The following ERC1 variants were observed in gnomAD, a reference collection of about 807,000 sequenced individuals.
ERC1 encodes the protein RAB6 interacting protein 2.
Under a neutral mutation model 132.0 loss-of-function variants are expected in ERC1, and 56 were observed. The observed-to-expected ratio is 0.42, with a 90% confidence interval of 0.34 to 0.53. The LOEUF is 0.53. ERC1 is among the 20% of genes least tolerant of loss of function. ERC1 has a pLI of 0.03. For synonymous variants in ERC1, 478 were observed against 476.1 expected, an observed-to-expected ratio of 1.00 and a Z score of -0.05; for missense variants, 1,202 against 1,349.9, an observed-to-expected ratio of 0.89 and a Z score of 1.72.
chr12:1,273,745 G>A (rs1162372758), intron 14 of ERC1, among the ~76,000 whole-genome samples: 1 of 152,144 alleles, frequency 6.6e-6, no homozygotes, highest in Admixed American at 6.5e-5. Context: ...GTGGATGGAT[G>A]GATGGATGGT....
chr12:1,350,119 A>G (rs1477626409), intron 15 of ERC1, among the ~76,000 whole-genome samples: 8 of 152,222 alleles, frequency 5.3e-5, no homozygotes, highest in Non-Finnish European at 1.2e-4. Context: ...TCAGTGGGTA[A>G]GTGAAGTCAG....
chr12:1,020,452 T>G (rs1227798976), intron 1 of ERC1, among the ~76,000 whole-genome samples: 2 of 152,122 alleles, frequency 1.3e-5, no homozygotes, highest in African/African-American at 4.8e-5. Flanking sequence ...GTGAGACTCC[T>G]TCTCAACAAA....
intron 15 of ERC1, among the ~76,000 whole-genome samples, chr12:1,295,775 A>G (rs1014976413): frequency 6.6e-6 from 1 of 152,130 alleles, no homozygotes; most frequent in African/African-American, 2.4e-5. Context: ...AGATCAGCAT[A>G]CCAAAGGTTA....
intron 2 of ERC1, among the ~76,000 whole-genome samples, chr12:1,042,284 G>A (rs1056930870): frequency 6.6e-6 from 1 of 150,642 alleles, no homozygotes; most frequent in African/African-American, 2.4e-5. Context: ...TGATCTGCCC[G>A]CCTCAGCTTC....
In ERC1 at chr12:1,098,538, A is replaced by G. The variant is rs1944312791; in HGVS notation, c.1087-6212A>G. Among the ~76,000 whole-genome samples, 3 of 152,246 alleles carry G rather than the reference A, an allele frequency of 2.0e-5. No homozygotes were observed. The South Asian group carries it at 6.2e-4, about 32-fold the overall frequency. ...TGTGGGAAATGAATATCAGGAGGAGAAAAAGGAGAGCTTTGGTGTTTGGCT... is the reference window on the plus strand; with the variant it reads ...TGTGGGAAATGAATATCAGGAGGAGGAAAAGGAGAGCTTTGGTGTTTGGCT... On this transcript the variant is annotated intron_variant, in intron 3 of 18. Transcript: ENST00000360905.
intron 13 of ERC1, among the ~76,000 whole-genome samples, chr12:1,250,685 C>T (rs1375326706): frequency 6.6e-6 from 1 of 152,138 alleles, no homozygotes; most frequent in African/African-American, 2.4e-5. Context: ...ATGCCATCTT[C>T]CCTTAGTTGA....
At chr12:1,125,455 T>G (rs1170773312) in intron 7 of ERC1, among the ~76,000 whole-genome samples, 1 of 152,172 alleles carries the variant, frequency 6.6e-6, no homozygotes, top group Non-Finnish European at 1.5e-5. Context: ...ATGGTATAAT[T>G]TAATCCTGCA....
intron 15 of ERC1, among the ~76,000 whole-genome samples, chr12:1,290,851 T>G (rs2079399467): frequency 6.6e-6 from 1 of 152,218 alleles, no homozygotes; most frequent in South Asian, 2.1e-4. Flanking sequence ...TTCTCCTTCA[T>G]AAGGCCAGAT....
intron 15 of ERC1, among the ~76,000 whole-genome samples, chr12:1,305,943 G>A (rs1045787932): frequency 1.3e-5 from 2 of 152,156 alleles, no homozygotes; most frequent in Admixed American, 1.3e-4. Context: ...GCAGCAGAAG[G>A]CAATGATGAA....
intron 15 of ERC1, among the ~76,000 whole-genome samples, chr12:1,369,102 A>G (rs2086934863): frequency 6.6e-6 from 1 of 152,242 alleles, no homozygotes; most frequent in South Asian, 2.1e-4. Context: ...TTTGAATTGC[A>G]TAAAAAATAC....
At chr12:1,141,112 T>A (rs1949822573) in intron 7 of ERC1, among the ~76,000 whole-genome samples, 1 of 152,160 alleles carries the variant, frequency 6.6e-6, no homozygotes, top group African/African-American at 2.4e-5. Flanking sequence ...GTTACCAAAC[T>A]TTTTAGCTGG....
chr12:1,387,396 G>C (rs1429227807), intron 16 of ERC1, among the ~76,000 whole-genome samples: 1 of 152,058 alleles, frequency 6.6e-6, no homozygotes, highest in African/African-American at 2.4e-5. Flanking sequence ...CAAAACATAT[G>C]CCCTCCCCAA....
intron 15 of ERC1, among the ~76,000 whole-genome samples, chr12:1,295,124 C>T (rs568683377): frequency 9.2e-5 from 14 of 152,264 alleles, no homozygotes; most frequent in Non-Finnish European, 1.6e-4. Context: ...TAAAAAAGCA[C>T]GTTGAAGTTG....
At chr12:1,343,734 T>G (rs1566636565) in intron 15 of ERC1, among the ~76,000 whole-genome samples, 1 of 152,236 alleles carries the variant, frequency 6.6e-6, no homozygotes, top group Non-Finnish European at 1.5e-5. Flanking sequence ...ACACATCATA[T>G]AATGCCAGTG....
chr12:1,175,465 C>T lies in ERC1; in HGVS notation c.1738-5075C>T, dbSNP rs1456409517. Reference sequence around the variant, plus strand: ...TCTTCACCAAGAGTAGATTCTGTCTCAAAAAAAAAAAGCAACAACAAAAAA... The same window carrying T: ...TCTTCACCAAGAGTAGATTCTGTCTTAAAAAAAAAAAGCAACAACAAAAAA... On this transcript the variant is annotated intron_variant, in intron 8 of 18. Coordinates refer to ENST00000360905, the MANE Select transcript of ERC1 (RefSeq NM_178040.4). 2.1e-5 allele frequency among the ~76,000 whole-genome samples: 3 copies of T among 142,172 alleles called. No homozygotes were observed. The South Asian group carries it at 6.8e-4, about 32-fold the overall frequency. The allele number at this position is 142,172 out of a possible 152,430, so 93.3% of individuals were successfully genotyped here.
At chr12:1,184,533 A>T (rs1011886796) in intron 11 of ERC1, among the ~76,000 whole-genome samples, 1 of 152,178 alleles carries the variant, frequency 6.6e-6, no homozygotes, top group Non-Finnish European at 1.5e-5. Flanking sequence ...TTATCATTGA[A>T]ATTTTAAAAG....
At chr12:1,489,096 G>A (rs545543705) in intron 18 of ERC1, among the ~76,000 whole-genome samples, 19 of 152,278 alleles carry the variant, frequency 1.2e-4, no homozygotes, top group Non-Finnish European at 1.8e-4. Flanking sequence ...TCTGGCCCTC[G>A]CGTGTGTTTT....
chr12:997,950 TC>T (rs1188209631), intron 1 of ERC1, among the ~76,000 whole-genome samples: 2 of 152,216 alleles, frequency 1.3e-5, no homozygotes. Flanking sequence ...AGAATGAAGT[TC>T]CATGAGAGTG....
chr12:1,418,615 CTTTCTTTCTTTCTTTCTTTCTTTCTT>C (rs1310890570), intron 17 of ERC1, among the ~76,000 whole-genome samples: 35 of 116,720 alleles, frequency 3.0e-4, no homozygotes, highest in African/African-American at 1.4e-3. Flanking sequence ...TTCTTTCTTT[CTTTCTTTCTTTCTTTCTTTCTTTCTT>C]TCTCTCTCTC....
Sources: allele counts gnomAD v4.1 joint callset (sites outside exome capture counted in the v4.1 genomes callset), GRCh38; gene constraint gnomAD v4.1.1; transcripts MANE v1.5; gene names NCBI Gene and HGNC (gene_info 2026-07-23, HGNC 2026-07-21).